Variants in PCDH9 observed in about 807,000 individuals in gnomAD.
PCDH9 encodes the protein protocadherin 9, also known as protocadherin-9.
In PCDH9, 24 loss-of-function variants were observed where a neutral mutation model predicts 70.6. The observed-to-expected ratio is 0.34, with a 90% CI of 0.25 to 0.48. The LOEUF is 0.48. Ranked by LOEUF, PCDH9 falls within the 20% of genes least tolerant of loss-of-function variation. The pLI, the probability that PCDH9 is intolerant of heterozygous loss-of-function variation, is 0.99. For missense variants in PCDH9, 1,281 were observed against 1,503.6 expected (o/e 0.85, Z 2.45); for synonymous variants, 562 against 558.5 (o/e 1.01, Z -0.09).
At chr13:66,770,174 C>G (rs1223121184) in intron 3 of PCDH9, among the ~76,000 whole-genome samples, 37 of 152,046 alleles carry the variant, frequency 2.4e-4, no homozygotes, top group Admixed American at 2.3e-3. Context: ...AGAAAAGATA[C>G]TACTTATATA....
intron 3 of PCDH9, among the ~76,000 whole-genome samples, chr13:66,676,426 C>A (rs933080030): frequency 3.3e-5 from 5 of 152,022 alleles, no homozygotes; most frequent in Non-Finnish European, 5.9e-5. Context: ...TCAAATAATT[C>A]TTTCAAACAC....
intron 3 of PCDH9, among the ~76,000 whole-genome samples, chr13:66,820,136 CTAAATATTTTG>C (rs1251735424): frequency 6.6e-6 from 1 of 151,602 alleles, no homozygotes; most frequent in Non-Finnish European, 1.5e-5. Flanking sequence ...CAAATATATC[CTAAATATTTTG>C]TAAATATTTA....
At chr13:66,401,119 C>T (rs1957177726) in intron 4 of PCDH9, among the ~76,000 whole-genome samples, 1 of 152,142 alleles carries the variant, frequency 6.6e-6, no homozygotes, top group East Asian at 1.9e-4. Context: ...CTGGTTTAAT[C>T]TTAGCACTAT....
intron 4 of PCDH9, among the ~76,000 whole-genome samples, chr13:66,579,716 T>C (rs1056020982): frequency 3.9e-5 from 6 of 152,052 alleles, no homozygotes; most frequent in African/African-American, 1.2e-4. Flanking sequence ...TAAATGAGTA[T>C]ACTAAAATAG....
At chr13:66,471,407 G>A (rs1276206443) in intron 4 of PCDH9, among the ~76,000 whole-genome samples, 1 of 152,086 alleles carries the variant, frequency 6.6e-6, no homozygotes, top group Non-Finnish European at 1.5e-5. Context: ...CTACTGCAGA[G>A]ATTTACTAAA....
intron 3 of PCDH9, among the ~76,000 whole-genome samples, chr13:66,758,578 T>A (rs1261375559): frequency 6.6e-6 from 1 of 152,008 alleles, no homozygotes; most frequent in Non-Finnish European, 1.5e-5. Flanking sequence ...TAACAAGTGG[T>A]CTTCTTTTTT....
rs562335440 is a variant in PCDH9 at position 67,012,664 on chromosome 13, C to G, written c.3037-109059G>C. 3.3e-5 allele frequency among the ~76,000 whole-genome samples: 5 copies of G among 152,050 alleles called. No individual in the cohort carries two copies. In the East Asian group the frequency reaches 9.7e-4, roughly 29 times the overall value. On this transcript the variant is annotated intron_variant, in intron 2 of 4. Coordinates refer to ENST00000377865, the MANE Select transcript of PCDH9 (RefSeq NM_203487.3). ...TTTTCCATTTCATGAACAGAAGAGA[C>G]AGCCTCTGACTCATCCAGCTTCTGC...
intron 3 of PCDH9, among the ~76,000 whole-genome samples, chr13:66,886,738 G>A (rs1466978668): frequency 6.6e-6 from 1 of 152,130 alleles, no homozygotes; most frequent in African/African-American, 2.4e-5. Context: ...TGATATGGAT[G>A]TGTGTGGGTA....
intron 3 of PCDH9, among the ~76,000 whole-genome samples, chr13:66,826,452 C>A (rs187734692): frequency 6.6e-6 from 1 of 152,254 alleles, no homozygotes; most frequent in East Asian, 1.9e-4. Context: ...CAAAATAGTT[C>A]TGTCACTAAT....
At chr13:67,004,525 C>G (rs1350425824) in intron 2 of PCDH9, among the ~76,000 whole-genome samples, 1 of 145,184 alleles carries the variant, frequency 6.9e-6, no homozygotes, top group Admixed American at 7.1e-5. Context: ...CCATTGCACT[C>G]CAGCCTGGGT....
chr13:67,035,985 A>C (rs1255383534), intron 2 of PCDH9, among the ~76,000 whole-genome samples: 3 of 152,222 alleles, frequency 2.0e-5, no homozygotes, highest in Admixed American at 2.0e-4. Context: ...AAAATGTTTC[A>C]GGGTGACAAG....
At chr13:66,824,778 G>C (rs1853278742) in intron 3 of PCDH9, among the ~76,000 whole-genome samples, 1 of 146,610 alleles carries the variant, frequency 6.8e-6, no homozygotes, top group South Asian at 2.2e-4. Context: ...ATCAGATGTA[G>C]AACATTAAAA....
chr13:66,989,276 T>G (rs1415451216), intron 2 of PCDH9, among the ~76,000 whole-genome samples: 2 of 151,988 alleles, frequency 1.3e-5, no homozygotes, highest in Admixed American at 6.6e-5. Flanking sequence ...TATCACTCAT[T>G]AAATTAGCTA....
intron 3 of PCDH9, chr13:66,876,818 T>C (rs2081820096): frequency 6.6e-6 from 1 of 152,126 alleles, no homozygotes; most frequent in Non-Finnish European, 1.5e-5. Flanking sequence ...TTTATTAATA[T>C]GGCGATATTT....
At chr13:67,141,789 G>T (rs1437432106) in intron 2 of PCDH9, among the ~76,000 whole-genome samples, 2 of 151,112 alleles carry the variant, frequency 1.3e-5, no homozygotes, top group Non-Finnish European at 2.9e-5. Flanking sequence ...ACAGAGTGAT[G>T]TATCAGTATT....
intron 3 of PCDH9, among the ~76,000 whole-genome samples, chr13:66,882,568 CT>C (rs1377276221): frequency 6.6e-6 from 1 of 151,968 alleles, no homozygotes; most frequent in African/African-American, 2.4e-5. Context: ...TATAGTTGCC[CT>C]CCAAATGTCA....
intron 2 of PCDH9, among the ~76,000 whole-genome samples, chr13:67,150,191 G>A (rs184030305): frequency 3.9e-5 from 6 of 152,138 alleles, no homozygotes; most frequent in East Asian, 3.9e-4. Flanking sequence ...ATGCCACCAC[G>A]TTCAGCTAAT....
intron 4 of PCDH9, among the ~76,000 whole-genome samples, chr13:66,510,596 T>C (rs1959423757): frequency 6.6e-6 from 1 of 152,012 alleles, no homozygotes; most frequent in South Asian, 2.1e-4. Context: ...CACCTATGAG[T>C]GAGAACATGC....
At chr13:66,556,980 T>G (rs1961767048) in intron 4 of PCDH9, among the ~76,000 whole-genome samples, 1 of 152,124 alleles carries the variant, frequency 6.6e-6, no homozygotes, top group Non-Finnish European at 1.5e-5. Flanking sequence ...AAAGGAGTTA[T>G]CAGAGCTAAT....
Sources: gnomAD v4.1 joint callset for allele counts (sites outside exome capture counted in the v4.1 genomes callset) on GRCh38, gnomAD v4.1.1 for gene constraint, MANE v1.5 for transcripts, NCBI Gene and HGNC (gene_info 2026-07-23, HGNC 2026-07-21) for gene names.